TRHDE: variants seen among roughly 807,000 people sequenced by gnomAD.
TRHDE encodes thyrotropin releasing hormone degrading enzyme.
In TRHDE, 72 loss-of-function variants were observed where a neutral mutation model predicts 125.7. The observed-to-expected ratio is 0.57, with a 90% CI of 0.47 to 0.70. TRHDE has a LOEUF of 0.70. TRHDE is among the 30% of genes least tolerant of loss of function. TRHDE has a pLI of 0.00. For synonymous variants in TRHDE, 509 were observed against 509.1 expected (o/e 1.00, Z 0.00); for missense variants, 1,110 against 1,327.1 (o/e 0.84, Z 2.54).
chr12:72,211,015 C>T (rs116433090), intron 2 of TRHDE, among the ~76,000 whole-genome samples: 6,497 of 152,242 alleles, frequency 0.043, 299 homozygotes, highest in African/African-American at 0.11. Context: ...TGATGCCTAT[C>T]CATTGATTCG....
chr12:72,261,093 A>G (rs1453802650), intron 2 of TRHDE, among the ~76,000 whole-genome samples: 1 of 152,172 alleles, frequency 6.6e-6, no homozygotes. Flanking sequence ...AAAGATTTAG[A>G]TTAAAATTTT....
intron 3 of TRHDE, among the ~76,000 whole-genome samples, chr12:72,441,067 A>G (rs936744326): frequency 6.6e-6 from 1 of 151,842 alleles, no homozygotes; most frequent in Non-Finnish European, 1.5e-5. Context: ...AAATACTGTT[A>G]TACTCAGTTC....
chr12:72,426,681 A>G (rs1004071879), intron 3 of TRHDE, among the ~76,000 whole-genome samples: 9 of 151,842 alleles, frequency 5.9e-5, no homozygotes, highest in Non-Finnish European at 1.3e-4. Flanking sequence ...AGGTAGTGTT[A>G]TAGGTGCTAG....
At chr12:72,353,614 C>T (rs1415968262) in intron 2 of TRHDE, among the ~76,000 whole-genome samples, 3 of 151,372 alleles carry the variant, frequency 2.0e-5, no homozygotes, top group Admixed American at 6.6e-5. Context: ...AGTCACAGAG[C>T]AGTTAATATA....
At position 72,591,632 on chromosome 12, in the gene TRHDE, G is replaced by GTTTTTTTTTT. The variant is rs71071842; in HGVS notation, c.2321+16096_2321+16105dup. Reference sequence around the variant, plus strand: ...TATTCATCAATTTCTAAGGATATGGGTTTTTTTTTTTTTTTGCTATTATTT... The same window carrying GTTTTTTTTTT: ...TATTCATCAATTTCTAAGGATATGGGTTTTTTTTTTTTTTTTTTTTTTTTTGCTATTATTT... On this transcript the variant is annotated intron_variant, in intron 12 of 18. Transcript: ENST00000261180. 4.7e-3 allele frequency among the ~76,000 whole-genome samples: 591 copies of GTTTTTTTTTT among 125,140 alleles called. 16 individuals are homozygous for GTTTTTTTTTT. Among genetic ancestry groups the GTTTTTTTTTT allele is most frequent in the African/African-American group, 0.016 (494 of 31,102 alleles). The allele number at this position is 125,140 out of a possible 152,430, so 82.1% of individuals were successfully genotyped here. A position where few individuals can be genotyped will look rare whatever the true frequency, so the allele number is the denominator to read the frequency against.
In TRHDE at chr12:72,497,462, G is replaced by A. The variant is rs533591215; in HGVS notation, c.1585-2036G>A. ...AGGTTTAAATAAAGCATCATTTTAAGTTCACTTTACCTGGTTGTTTTAGAT... is the reference window on the plus strand; with the variant it reads ...AGGTTTAAATAAAGCATCATTTTAAATTCACTTTACCTGGTTGTTTTAGAT... On this transcript the variant is annotated intron_variant, in intron 5 of 18. Transcript: ENST00000261180. Among the ~76,000 whole-genome samples the A allele has an allele frequency of 5.2e-4, 79 of 152,156 alleles. 3 individuals are homozygous for A. In the South Asian group the frequency reaches 0.012, roughly 22 times the overall value.
Position 72,273,011 on chromosome 12 carries a change from G to C in TRHDE, c.368G>C (p.Gly123Ala). ...GCGAGTGCCACGCCAGGCGCCGACG[G>C]TGGCCCCTCAGGCTTTCCGGAGCGC... ...CGASATPGAD[G>A]GPSGFPERGG... Residue 123 changes from glycine to alanine, a missense_variant, in exon 1 of 19, where the codon GGT (glycine) becomes GCT (alanine). Gly to Ala is a moderately conservative substitution (Grantham distance 60). Transcript: ENST00000261180. The surrounding 1 kb of genome is among the most constrained non-coding windows in gnomAD (Gnocchi z 5.3). 3 of 1,543,514 alleles carry C rather than the reference G, an allele frequency of 1.9e-6. No homozygotes were observed. The highest frequency in any genetic ancestry group is 2.6e-6 in the Non-Finnish European group (3 of 1,150,600).
At chr12:72,560,221 A>T (rs1870114494) in intron 7 of TRHDE, among the ~76,000 whole-genome samples, 1 of 152,180 alleles carries the variant, frequency 6.6e-6, no homozygotes, top group Admixed American at 6.5e-5. Context: ...TTCCCTGAAT[A>T]CAGAGACAGG....
intron 7 of TRHDE, among the ~76,000 whole-genome samples, chr12:72,545,004 A>AT (rs774158887): frequency 6.6e-6 from 1 of 151,504 alleles, no homozygotes; most frequent in Non-Finnish European, 1.5e-5. Context: ...CATATTACCC[A>AT]TTGGTTCAGC....
chr12:72,366,707 A>G (rs923734307), intron 2 of TRHDE, among the ~76,000 whole-genome samples: 1 of 151,976 alleles, frequency 6.6e-6, no homozygotes, highest in African/African-American at 2.4e-5. Context: ...CCCCCATAGT[A>G]TGTAGCAGAC....
At position 72,146,143 on chromosome 12, in the gene TRHDE, A is replaced by T. The variant is rs188511176; in HGVS notation, n.279+40391A>T. On this transcript the variant is annotated intron_variant and non_coding_transcript_variant, in intron 2 of 4. Transcript: ENST00000548156. ...GGAGTGATCTCCTTGAGGAAAGTGT[A>T]TATTTAGGAGTGAGGCATACCCATT... 1.3e-5 allele frequency among the ~76,000 whole-genome samples: 2 copies of T among 152,340 alleles called. 1 individual carries two copies. The highest frequency in any genetic ancestry group is 1.3e-4 in the Admixed American group (2 of 15,296).
intron 6 of TRHDE, among the ~76,000 whole-genome samples, chr12:72,531,781 G>C (rs1868569338): frequency 1.3e-5 from 2 of 152,018 alleles, no homozygotes; most frequent in South Asian, 4.1e-4. Flanking sequence ...ACAGATATCA[G>C]TATTGGTATA....
At chr12:72,214,864 A>G (rs1478019001) in intron 2 of TRHDE, among the ~76,000 whole-genome samples, 1 of 152,182 alleles carries the variant, frequency 6.6e-6, no homozygotes, top group East Asian at 1.9e-4. Context: ...TTATATATAT[A>G]TTCTCCTGTG....
At chr12:72,380,276 C>G (rs1302647886) in intron 3 of TRHDE, among the ~76,000 whole-genome samples, 1 of 152,186 alleles carries the variant, frequency 6.6e-6, no homozygotes, top group Non-Finnish European at 1.5e-5. Flanking sequence ...AAAATCTCCT[C>G]TCTTCTGGGG....
At chr12:72,332,430 C>T (rs184548160) in intron 2 of TRHDE, among the ~76,000 whole-genome samples, 13 of 152,096 alleles carry the variant, frequency 8.5e-5, no homozygotes, top group African/African-American at 2.7e-4. Context: ...TGAGCCACTG[C>T]GCTCGGCCCC....
At chr12:72,547,270 T>C (rs1363062537) in intron 7 of TRHDE, among the ~76,000 whole-genome samples, 1 of 151,696 alleles carries the variant, frequency 6.6e-6, no homozygotes, top group Non-Finnish European at 1.5e-5. Context: ...TGTTCTCAGC[T>C]GATTTCAACA....
At chr12:72,408,664 T>G (rs1457446317) in intron 3 of TRHDE, among the ~76,000 whole-genome samples, 1 of 152,082 alleles carries the variant, frequency 6.6e-6, no homozygotes, top group Non-Finnish European at 1.5e-5. Context: ...AATAAAAATA[T>G]TCCTATAATA....
chr12:72,521,400 C>G (rs1879187790), intron 6 of TRHDE, among the ~76,000 whole-genome samples: 1 of 152,160 alleles, frequency 6.6e-6, no homozygotes, highest in Non-Finnish European at 1.5e-5. Flanking sequence ...CCAAGGCTAT[C>G]TTGGAGCTCA....
At chr12:72,322,864 T>C (rs1014078760) in intron 2 of TRHDE, among the ~76,000 whole-genome samples, 11 of 152,104 alleles carry the variant, frequency 7.2e-5, no homozygotes, top group African/African-American at 2.7e-4. Context: ...ACAGTGGATA[T>C]AGGGGGTGCA....
Sources: allele counts gnomAD v4.1 joint callset (sites outside exome capture counted in the v4.1 genomes callset), GRCh38; gene constraint gnomAD v4.1.1; non-coding constraint Gnocchi (gnomAD v3.1); transcripts MANE v1.5; gene names NCBI Gene and HGNC (gene_info 2026-07-23, HGNC 2026-07-21).